Variants in NRG2 observed in about 807,000 individuals in gnomAD.
The protein encoded by NRG2 is pro-neuregulin-2, membrane-bound isoform.
In NRG2, 27 loss-of-function variants were observed where a neutral mutation model predicts 73.9. That is an observed-to-expected ratio of 0.37 (90% confidence interval 0.27 to 0.50). The LOEUF (loss-of-function observed/expected upper bound fraction) is 0.50, where lower values mean the gene tolerates loss of function less well. NRG2 is among the 20% of genes least tolerant of loss of function. NRG2 has a pLI of 0.96. For missense variants in NRG2, 1,126 were observed against 1,210.1 expected (o/e 0.93, Z 1.03); for synonymous variants, 532 against 541.0 (o/e 0.98, Z 0.23).
In NRG2 at chr5:139,848,129, C is replaced by T. The variant is rs1761114625; in HGVS notation, c.2341G>A (p.Ala781Thr). ...GGSASASDDD[A>T]DDADGALAAE... is the part of the protein sequence containing the mutation. ...GCCAGCGCCCCGTCCGCGTCGTCCG[C>T]GTCGTCGTCCGACGCCGAGGCTGAG... is the stretch of plus-strand genomic sequence containing the variant. The change falls in exon 10 of 10, where the codon GCG (alanine) becomes ACG (threonine). Residue 781 changes from alanine (A) to threonine (T), a missense_variant. Physicochemically the swap from Ala to Thr is moderately conservative, Grantham distance 58. This residue lies in a region of NRG2 where 402 missense variants were observed against 357.8 expected (regional missense o/e 1.12). Coordinates refer to ENST00000361474, the MANE Select transcript of NRG2 (RefSeq NM_004883.3). The T allele has an allele frequency of 4.1e-6, 6 of 1,469,850 alleles. No homozygotes were observed. The highest frequency in any genetic ancestry group is 2.5e-5 in the Admixed American group (1 of 40,594). The allele number at this position is 1,469,850 out of a possible 1,614,324, so 91.1% of individuals were successfully genotyped here.
chr5:140,023,313 C>T (rs371388027), intron 1 of NRG2, among the ~76,000 whole-genome samples: 1 of 152,088 alleles, frequency 6.6e-6, no homozygotes, highest in East Asian at 1.9e-4. Flanking sequence ...CCTGTAAAGA[C>T]ATCTGCTTGT....
At chr5:140,005,513 C>T (rs965995587) in intron 1 of NRG2, among the ~76,000 whole-genome samples, 2 of 152,358 alleles carry the variant, frequency 1.3e-5, no homozygotes, top group Admixed American at 1.3e-4. Context: ...GGTCTCACAA[C>T]CTGTCTCTCT....
At chr5:139,944,384 T>A (rs969662269) in intron 1 of NRG2, among the ~76,000 whole-genome samples, 1 of 152,174 alleles carries the variant, frequency 6.6e-6, no homozygotes, top group African/African-American at 2.4e-5. Context: ...TGTATCCTTT[T>A]AAAAATCTCT....
At chr5:139,871,966 G>T in intron 3 of NRG2, 125 bp from the exon 4 acceptor site, 1 of 1,342,540 alleles carries the variant, frequency 7.4e-7, no homozygotes, top group Non-Finnish European at 1.0e-6. Context: ...GACTGGGGAG[G>T]GGAGGTCTGG....
rs553367529 is a variant in NRG2, at chr5:139,962,012, G to A, written c.701-74501C>T. On this transcript the variant is annotated intron_variant, in intron 1 of 9. Transcript: ENST00000361474. ...CTTGCTTTCCTGACCAGCACAGAGAGCTGGTCATTGGGATTTAGATAGCCG... is the reference window on the plus strand; with the variant it reads ...CTTGCTTTCCTGACCAGCACAGAGAACTGGTCATTGGGATTTAGATAGCCG... Among the ~76,000 whole-genome samples the A allele has an allele frequency of 3.9e-5, 6 of 152,312 alleles. No individual in the cohort carries two copies. In the East Asian group the frequency reaches 9.6e-4, roughly 24 times the overall value.
chr5:139,848,779 G>GGGGGGGGGGGTTTGGGGGGGT, intron 9 of NRG2, 82 bp from the exon 10 acceptor site: 1 of 198,602 alleles, frequency 5.0e-6, no homozygotes, highest in Non-Finnish European at 1.0e-5. Context: ...GGTAGGGTGG[G>GGGGGGGGGGGTTTGGGGGGGT]AGGGGCGGAC....
At chr5:139,898,693 G>C (rs911015097) in intron 1 of NRG2, among the ~76,000 whole-genome samples, 3 of 152,186 alleles carry the variant, frequency 2.0e-5, no homozygotes, top group South Asian at 2.1e-4. Flanking sequence ...CTTTCACAAA[G>C]AGCTATGTGG....
Position 139,904,552 on chromosome 5 carries a change from C to A in NRG2, c.701-17041G>T, listed in dbSNP as rs956441871. ...AGCAGCGAGCCTTAACTCTTCCCCTCCCGCGCCCTCCACCCTCGCCCCCCC... is the reference window on the plus strand; with the variant it reads ...AGCAGCGAGCCTTAACTCTTCCCCTACCGCGCCCTCCACCCTCGCCCCCCC... On this transcript the variant is annotated intron_variant, in intron 1 of 9. Coordinates refer to ENST00000361474, the MANE Select transcript of NRG2 (RefSeq NM_004883.3). The surrounding 1 kb of genome is among the most constrained non-coding windows in gnomAD (Gnocchi z 6.0). 6.6e-6 allele frequency among the ~76,000 whole-genome samples: 1 copy of A among 152,124 alleles called. No individual in the cohort carries two copies. Among genetic ancestry groups the A allele is most frequent in the Non-Finnish European group, 1.5e-5 (1 of 67,990 alleles).
At chr5:139,859,343 C>G (rs889249365) in intron 5 of NRG2, among the ~76,000 whole-genome samples, 1 of 152,112 alleles carries the variant, frequency 6.6e-6, no homozygotes, top group Admixed American at 6.5e-5. Context: ...GCCAGGCAGA[C>G]AGACACAGGG....
intron 1 of NRG2, among the ~76,000 whole-genome samples, chr5:139,943,667 A>C (rs1561697879): frequency 6.6e-6 from 1 of 152,246 alleles, no homozygotes; most frequent in African/African-American, 2.4e-5. Flanking sequence ...AATCTACAGT[A>C]CATTGTGTTT....
chr5:139,941,612 A>G (rs1753408051), intron 1 of NRG2, among the ~76,000 whole-genome samples: 1 of 152,170 alleles, frequency 6.6e-6, no homozygotes, highest in South Asian at 2.1e-4. Context: ...TAGAATTCTG[A>G]TAGAGTCTTC....
intron 9 of NRG2, among the ~76,000 whole-genome samples, chr5:139,850,224 T>C (rs1367743943): frequency 6.6e-6 from 1 of 152,222 alleles, no homozygotes; most frequent in African/African-American, 2.4e-5. Flanking sequence ...GTGCACATGA[T>C]CTCAGGTGGC....
At chr5:139,990,081 C>T (rs1051419066) in intron 1 of NRG2, among the ~76,000 whole-genome samples, 6 of 151,746 alleles carry the variant, frequency 4.0e-5, no homozygotes, top group Non-Finnish European at 8.8e-5. Flanking sequence ...AGCCACTGTG[C>T]CTGGCCTTAT....
At chr5:139,890,338 T>G (rs1181845773) in intron 1 of NRG2, among the ~76,000 whole-genome samples, 1 of 152,238 alleles carries the variant, frequency 6.6e-6, no homozygotes, top group Non-Finnish European at 1.5e-5. Flanking sequence ...TCCTAGTGAT[T>G]TGTAAGAACT....
Position 139,851,547 on chromosome 5 carries a change from G to T in NRG2, c.1772+57C>A. On this transcript the variant is annotated intron_variant, in intron 9 of 9. Coordinates refer to ENST00000361474, the MANE Select transcript of NRG2 (RefSeq NM_004883.3). This position sits in a 1 kb window ranked among gnomAD's most constrained non-coding sequence, Gnocchi z 4.2. Reference sequence around the variant, plus strand: ...GAGGGGCCCTAAGGGTCAGCCTTGGGCCAGTGGTGCCAGCCCTCTGGCTAA... The same window carrying T: ...GAGGGGCCCTAAGGGTCAGCCTTGGTCCAGTGGTGCCAGCCCTCTGGCTAA... 6.4e-7 allele frequency: 1 copy of T among 1,551,838 alleles called. No individual in the cohort carries two copies. Among genetic ancestry groups the T allele is most frequent in the South Asian group, 1.1e-5 (1 of 88,098 alleles).
intron 1 of NRG2, among the ~76,000 whole-genome samples, chr5:139,895,043 A>G (rs1469741419): frequency 1.3e-5 from 2 of 152,242 alleles, no homozygotes; most frequent in Non-Finnish European, 2.9e-5. Context: ...AAAACTTGGC[A>G]GCATGAAGAC....
At chr5:139,920,592 A>G (rs1751584850) in intron 1 of NRG2, among the ~76,000 whole-genome samples, 1 of 152,164 alleles carries the variant, frequency 6.6e-6, no homozygotes, top group African/African-American at 2.4e-5. Flanking sequence ...CACCTTCCAG[A>G]GAAGAAATGA....
intron 1 of NRG2, among the ~76,000 whole-genome samples, chr5:139,988,868 T>C (rs1199310721): frequency 6.6e-6 from 1 of 151,954 alleles, no homozygotes; most frequent in Non-Finnish European, 1.5e-5. Flanking sequence ...ATTGGGAGCC[T>C]GAACATGTAT....
At chr5:139,850,914 CCTT>C (rs1327155155) in intron 9 of NRG2, among the ~76,000 whole-genome samples, 2 of 152,176 alleles carry the variant, frequency 1.3e-5, no homozygotes, top group African/African-American at 4.8e-5. Context: ...CTTCGTGTCT[CCTT>C]CTGTTCCTGC....
Sources: gnomAD v4.1 joint callset for allele counts (sites outside exome capture counted in the v4.1 genomes callset) on GRCh38, gnomAD v4.1.1 for gene constraint, gnomAD v4.1.1 regional missense constraint, Gnocchi (gnomAD v3.1) non-coding constraint, MANE v1.5 for transcripts, NCBI Gene and HGNC (gene_info 2026-07-23, HGNC 2026-07-21) for gene names.